The following ANO3 variants were observed in gnomAD, a reference collection of about 807,000 sequenced individuals.
The protein encoded by ANO3 is anoctamin-3.
In ANO3, 99 loss-of-function variants were observed where a neutral mutation model predicts 144.8. The ratio of observed to expected loss-of-function variants is 0.68; its 90% CI spans 0.58 to 0.81. The LOEUF (loss-of-function observed/expected upper bound fraction) is 0.81, where lower values mean the gene tolerates loss of function less well. Among genes scored for constraint, ANO3 ranks in the 30% least tolerant of loss-of-function variants. The pLI, the probability that ANO3 is intolerant of heterozygous loss-of-function variation, is 0.00. For synonymous variants in ANO3, 414 were observed against 392.6 expected, an observed-to-expected ratio of 1.05 and a Z score of -0.64; for missense variants, 905 against 1,202.2, an observed-to-expected ratio of 0.75 and a Z score of 3.66.
intron 1 of ANO3, among the ~76,000 whole-genome samples, chr11:26,436,884 C>T (rs1858315571): frequency 6.6e-6 from 1 of 151,988 alleles, no homozygotes; most frequent in Non-Finnish European, 1.5e-5. Context: ...GAGATTCGTC[C>T]GGTGGTGGAA....
intron 1 of ANO3, among the ~76,000 whole-genome samples, chr11:26,217,284 C>T (rs1310047264): frequency 1.3e-5 from 2 of 151,960 alleles, no homozygotes; most frequent in Non-Finnish European, 2.9e-5. Context: ...AATAACTTTC[C>T]AGCAGGGATT....
rs375743472 is a variant in ANO3, at chr11:26,293,530, C to CATATATAT, written c.155-16113_155-16112insATATATAT. Among the ~76,000 whole-genome samples the CATATATAT allele has an allele frequency of 4.0e-3, 247 of 62,416 alleles. 60 individuals carry two copies. Among genetic ancestry groups the CATATATAT allele is most frequent in the South Asian group, 8.2e-3 (14 of 1,704 alleles). 40.9% of individuals were successfully genotyped at this position (62,416 alleles called of 152,430 possible). ...CAGTCTAGAGTGGGTCTATAAATTC[C>CATATATAT]ATGTATATATATATATATATATATA... is the stretch of plus-strand genomic sequence containing the variant. On this transcript the variant is annotated intron_variant, in intron 1 of 27. Coordinates refer to the ANO3 transcript ENST00000672621.
intron 26 of ANO3, among the ~76,000 whole-genome samples, chr11:26,657,972 A>G (rs992293524): frequency 1.3e-5 from 2 of 152,230 alleles, no homozygotes; most frequent in Admixed American, 1.3e-4. Context: ...TTAGCTCGAT[A>G]TGATCCCATT....
intron 1 of ANO3, among the ~76,000 whole-genome samples, chr11:26,436,632 G>A (rs2134016515): frequency 6.6e-6 from 1 of 151,464 alleles, no homozygotes; most frequent in Admixed American, 6.6e-5. Context: ...CCAGTGAGGA[G>A]GAGTAGGATT....
chr11:26,652,062 T>A (rs139559659), intron 24 of ANO3, among the ~76,000 whole-genome samples: 125 of 152,256 alleles, frequency 8.2e-4, no homozygotes, highest in African/African-American at 2.9e-3. Flanking sequence ...CTTTCCCCCA[T>A]TCACTTTGTT....
At chr11:26,485,424 A>G (rs948873570) in intron 4 of ANO3, among the ~76,000 whole-genome samples, 15 of 151,966 alleles carry the variant, frequency 9.9e-5, no homozygotes, top group African/African-American at 3.6e-4. Flanking sequence ...CTCTGGCCAT[A>G]TAAGTCATGA....
chr11:26,373,242 T>C (rs1435786868), intron 1 of ANO3, among the ~76,000 whole-genome samples: 1 of 152,168 alleles, frequency 6.6e-6, no homozygotes, highest in East Asian at 1.9e-4. Flanking sequence ...ATCCCTATAA[T>C]CCCTACATGT....
At chr11:26,635,216 T>A (rs1000518120) in intron 20 of ANO3, 146 bp downstream of exon 20, 3 of 615,082 alleles carry the variant, frequency 4.9e-6, no homozygotes, top group African/African-American at 1.8e-5. Flanking sequence ...AGCAACTACA[T>A]CTTTTCAAAA....
intron 1 of ANO3, among the ~76,000 whole-genome samples, chr11:26,429,610 T>A (rs1294394028): frequency 6.6e-6 from 1 of 152,072 alleles, no homozygotes; most frequent in Non-Finnish European, 1.5e-5. Context: ...AATAAAACAT[T>A]TAGATTGTAT....
intron 14 of ANO3, chr11:26,566,938 C>A: frequency 2.1e-6 from 2 of 952,634 alleles, no homozygotes; most frequent in Middle Eastern, 3.8e-4. Flanking sequence ...CAAGATCTAG[C>A]CTAAAGTAAA....
At chr11:26,257,721 A>C (rs1853092217) in intron 1 of ANO3, among the ~76,000 whole-genome samples, 1 of 152,102 alleles carries the variant, frequency 6.6e-6, no homozygotes. Context: ...TGGTCCTGTC[A>C]GTACTCTATA....
intron 3 of ANO3, among the ~76,000 whole-genome samples, chr11:26,450,136 T>C (rs1051120372): frequency 6.6e-6 from 1 of 152,180 alleles, no homozygotes; most frequent in Non-Finnish European, 1.5e-5. Context: ...CTTTCTATTA[T>C]AGCACTTTGG....
intron 7 of ANO3, among the ~76,000 whole-genome samples, chr11:26,526,483 A>G (rs905183254): frequency 6.6e-6 from 1 of 152,168 alleles, no homozygotes; most frequent in African/African-American, 2.4e-5. Context: ...ATGTTGAAGG[A>G]TGTATGTTAC....
intron 1 of ANO3, among the ~76,000 whole-genome samples, chr11:26,356,202 C>G (rs139301970): frequency 6.6e-6 from 1 of 152,000 alleles, no homozygotes; most frequent in Admixed American, 6.6e-5. Flanking sequence ...TGTGTATGCT[C>G]TATATACAAC....
chr11:26,654,130 C>T (rs999186668), intron 24 of ANO3, among the ~76,000 whole-genome samples: 6 of 152,094 alleles, frequency 3.9e-5, no homozygotes, highest in African/African-American at 4.8e-5. Flanking sequence ...TCAACATCGA[C>T]GTTGCTAATA....
At chr11:26,425,848 A>T (rs1857904553) in intron 1 of ANO3, among the ~76,000 whole-genome samples, 2 of 152,088 alleles carry the variant, frequency 1.3e-5, no homozygotes, top group South Asian at 4.1e-4. Context: ...GCGTCTGTGT[A>T]CTTTGGAGTA....
chr11:26,479,721 A>T (rs1485407146), intron 4 of ANO3, among the ~76,000 whole-genome samples: 2 of 152,122 alleles, frequency 1.3e-5, no homozygotes, highest in African/African-American at 4.8e-5. Context: ...TCTATAATAT[A>T]TACTGCATGT....
At position 26,617,890 on chromosome 11, in the gene ANO3, A is replaced by G. The variant is rs73434395; in HGVS notation, c.1837-6572A>G. Among the ~76,000 whole-genome samples, 373 of 152,306 alleles carry G rather than the reference A, an allele frequency of 2.4e-3. 2 individuals carry two copies. Among genetic ancestry groups the G allele is most frequent in the African/African-American group, 8.7e-3 (360 of 41,564 alleles). On this transcript the variant is annotated intron_variant, in intron 17 of 26. Transcript: ENST00000256737. ...CAGATTACTAAATAGCCCTCTGATC[A>G]CCTGAATATACAGGATTAACCTATG...
chr11:26,468,542 T>C (rs1000911344), intron 4 of ANO3, among the ~76,000 whole-genome samples: 11 of 151,950 alleles, frequency 7.2e-5, no homozygotes, highest in African/African-American at 2.2e-4. Context: ...GAAATAATTT[T>C]CTCTAGGACT....
Sources: gnomAD v4.1 joint callset for allele counts (sites outside exome capture counted in the v4.1 genomes callset) on GRCh38, gnomAD v4.1.1 for gene constraint, MANE v1.5 for transcripts, NCBI Gene and HGNC (gene_info 2026-07-23, HGNC 2026-07-21) for gene names.